Variants in NTRK1 observed in about 807,000 individuals in gnomAD.
NTRK1 encodes neurotrophic receptor tyrosine kinase 1.
NTRK1 carries 62 observed loss-of-function variants against 86.8 expected under a neutral mutation model. The observed-to-expected ratio is 0.71, with a 90% CI of 0.58 to 0.88. NTRK1 has a LOEUF of 0.88. NTRK1 is among the 40% of genes least tolerant of loss of function. The probability of loss-of-function intolerance (pLI) is 0.00; values close to 1 mark genes in which losing one functional copy is unlikely to be tolerated. For missense variants in NTRK1, 967 were observed against 1,078.4 expected, an observed-to-expected ratio of 0.90 and a Z score of 1.45; for synonymous variants, 469 against 456.6, an observed-to-expected ratio of 1.03 and a Z score of -0.35.
exon 1 of NTRK1, chr1:156,815,830 A>G: frequency 6.2e-7 from 1 of 1,614,168 alleles, no homozygotes; most frequent in Non-Finnish European, 8.5e-7. Flanking sequence ...AACTCGGCGC[A>G]TGAAGGAGGT....
rs1159175574 is a variant in NTRK1 at position 156,854,268 on chromosome 1, C to G, written c.51-10086C>G. On this transcript the variant is annotated intron_variant, in intron 2 of 16. Coordinates refer to the NTRK1 transcript ENST00000392302. The surrounding 1 kb of genome is among the most constrained non-coding windows in gnomAD (Gnocchi z 4.2). ...CTGCAGTTCTCCAGCTGACGAAGCTCTGCCACCTCTGAGCGAATATCCAGG... is the reference window on the plus strand; with the variant it reads ...CTGCAGTTCTCCAGCTGACGAAGCTGTGCCACCTCTGAGCGAATATCCAGG... 1.9e-6 allele frequency: 3 copies of G among 1,613,292 alleles called. No individual in the cohort carries two copies. Among genetic ancestry groups the G allele is most frequent in the East Asian group, 2.2e-5 (1 of 44,880 alleles).
intron 1 of NTRK1, among the ~76,000 whole-genome samples, chr1:156,836,371 C>G (rs1000286514): frequency 2.0e-5 from 3 of 152,208 alleles, no homozygotes; most frequent in Non-Finnish European, 2.9e-5. Context: ...CGCTGCCTCT[C>G]TCTTCCACAC....
chr1:156,819,839 A>G (rs1654135455), intron 1 of NTRK1, among the ~76,000 whole-genome samples: 1 of 151,570 alleles, frequency 6.6e-6, no homozygotes. Context: ...TTTCTTCCTG[A>G]TTTGTTTGAG....
At chr1:156,869,148 C>T (rs1054593972) in intron 6 of NTRK1, among the ~76,000 whole-genome samples, 4 of 151,478 alleles carry the variant, frequency 2.6e-5, no homozygotes, top group East Asian at 2.0e-4. Context: ...CTTGACTCAC[C>T]GCAACCTCCG....
At chr1:156,837,963 T>C (rs1654637970) in intron 1 of NTRK1, 1 of 152,214 alleles carries the variant, frequency 6.6e-6, no homozygotes. Context: ...TGAGCTCTCA[T>C]GTCCTTGTAC....
At chr1:156,849,025 G>A (rs1558088335) in intron 2 of NTRK1, 4 of 1,613,464 alleles carry the variant, frequency 2.5e-6, no homozygotes, top group South Asian at 1.1e-5. Context: ...CGTTGGACAC[G>A]AAGCGCAGGG....
chr1:156,869,018 C>CCCTTCCTTCCTGCCTTCCTTCCTT (rs1647376392), intron 6 of NTRK1, among the ~76,000 whole-genome samples: 10 of 43,532 alleles, frequency 2.3e-4, no homozygotes, highest in Non-Finnish European at 3.6e-4. Context: ...TTTTCTCTCT[C>CCCTTCCTTCCTGCCTTCCTTCCTT]CCTTCCTTCC....
intron 2 of NTRK1, among the ~76,000 whole-genome samples, chr1:156,850,043 C>G (rs1655147006): frequency 6.6e-6 from 1 of 152,074 alleles, no homozygotes; most frequent in African/African-American, 2.4e-5. Flanking sequence ...GCTGAGACTA[C>G]AGGCATGCAC....
At chr1:156,818,256 G>A (rs1654076591) in intron 1 of NTRK1, among the ~76,000 whole-genome samples, 1 of 152,178 alleles carries the variant, frequency 6.6e-6, no homozygotes, top group Non-Finnish European at 1.5e-5. Flanking sequence ...GTTTCAAGAT[G>A]TCAGATGGGG....
Position 156,874,228 on chromosome 1 carries a change from A to T in NTRK1, c.1178-155A>T, listed in dbSNP as rs140550074. 2.5e-6 allele frequency: 3 copies of T among 1,186,274 alleles called. No individual in the cohort carries two copies. The South Asian group carries it at 3.7e-5, about 15-fold the overall frequency. 73.5% of individuals were successfully genotyped at this position (1,186,274 alleles called of 1,614,324 possible). ...GCCCAGCTGGAAAAGGGTCACATGC[A>T]TCTTCTTCCTTGAGGCCCAGCAGCC... is the stretch of plus-strand genomic sequence containing the variant. On this transcript the variant is annotated intron_variant, in intron 8 of 16. Transcript: ENST00000524377.
At chr1:156,845,254 C>A (rs774718865) in intron 2 of NTRK1, 13 of 1,611,480 alleles carry the variant, frequency 8.1e-6, no homozygotes, top group African/African-American at 5.3e-5. Context: ...TGTTGCCCCC[C>A]AGCCGGAGGG....
chr1:156,835,610 A>G (rs910404426), intron 1 of NTRK1, among the ~76,000 whole-genome samples: 2 of 152,226 alleles, frequency 1.3e-5, no homozygotes, highest in Non-Finnish European at 2.9e-5. Context: ...GGAAATGTAA[A>G]AAATGGCATC....
intron 3 of NTRK1, 64 bp from the exon 4 acceptor site, chr1:156,866,846 A>T: frequency 1.3e-6 from 2 of 1,550,520 alleles, no homozygotes; most frequent in Non-Finnish European, 8.9e-7. Flanking sequence ...CCCCTCCCTC[A>T]TTCTGGTCAG....
chr1:156,841,187 G>T, intron 1 of NTRK1: 1 of 1,150,338 alleles, frequency 8.7e-7, no homozygotes, highest in Non-Finnish European at 1.3e-6. Flanking sequence ...GTCAGTTGGT[G>T]GGAGTGGGGA....
rs1044149705 is a variant in NTRK1, at chr1:156,873,812, G to C, written c.1030G>C (p.Gly344Arg). The change falls in exon 8 of 17, where the codon GGG becomes CGG. Residue 344 changes from glycine to arginine, a missense_variant. Coordinates refer to ENST00000524377, the MANE Select transcript of NTRK1 (RefSeq NM_002529.4). ...EPAANETVRH[G>R]CLRLNQPTHV... Reference sequence around the variant, plus strand: ...GGCAGCCAATGAGACCGTGCGGCACGGGTGTCTGCGCCTCAACCAGCCCAC... The same window carrying C: ...GGCAGCCAATGAGACCGTGCGGCACCGGTGTCTGCGCCTCAACCAGCCCAC... 1.9e-6 allele frequency: 3 copies of C among 1,612,634 alleles called. No homozygotes were observed. The highest frequency in any genetic ancestry group is 2.2e-5 in the East Asian group (1 of 44,826).
At chr1:156,830,834 C>T (rs750823951) in intron 1 of NTRK1, among the ~76,000 whole-genome samples, 2 of 152,184 alleles carry the variant, frequency 1.3e-5, no homozygotes, top group Admixed American at 6.5e-5. Flanking sequence ...GGATTATAGA[C>T]GTGGGCCACC....
intron 1 of NTRK1, among the ~76,000 whole-genome samples, chr1:156,834,726 AAG>A (rs1654554061): frequency 9.4e-6 from 1 of 106,512 alleles, no homozygotes; most frequent in Admixed American, 9.0e-5. Flanking sequence ...CTGTTTCAAG[AAG>A]AAAAAAAAAG....
Position 156,873,748 on chromosome 1 carries a change from C to G in NTRK1, c.966C>G (p.Leu322=), listed in dbSNP as rs1415848778. 1 of 1,613,268 alleles carries G rather than the reference C, an allele frequency of 6.2e-7. No individual in the cohort carries two copies. ...GCTGGCTCTTCAATGGCTCCGTGCT[C>G]AATGAGACCAGCTTCATCTTCACTG... is the stretch of plus-strand genomic sequence containing the variant. ...SLRWLFNGSV[L]NETSFIFTEF... is the part of the protein sequence containing the mutation. The change falls in exon 8 of 17, where the codon CTC becomes CTG. Residue 322 remains leucine (L), a synonymous_variant. Transcript: ENST00000524377.
intron 14 of NTRK1, 122 bp downstream of exon 14, chr1:156,876,694 G>A (rs372306000): frequency 1.6e-6 from 2 of 1,226,372 alleles, no homozygotes; most frequent in East Asian, 2.5e-5. Context: ...GATCAGGAAG[G>A]CACATTCCCG....
Sources: gnomAD v4.1 joint callset for allele counts (sites outside exome capture counted in the v4.1 genomes callset) on GRCh38, gnomAD v4.1.1 for gene constraint, Gnocchi (gnomAD v3.1) non-coding constraint, MANE v1.5 for transcripts, NCBI Gene and HGNC (gene_info 2026-07-23, HGNC 2026-07-21) for gene names.